NRCAM: variants seen among roughly 807,000 people sequenced by gnomAD.
NRCAM encodes the protein NgCAM-related cell adhesion molecule.
Under a neutral mutation model 156.5 loss-of-function variants are expected in NRCAM, and 83 were observed. The ratio of observed to expected loss-of-function variants is 0.53; its 90% CI spans 0.44 to 0.64. The LOEUF is 0.64. NRCAM is among the 30% of genes least tolerant of loss of function. The pLI is 0.00. For missense variants in NRCAM, 1,417 were observed against 1,597.3 expected, an observed-to-expected ratio of 0.89 and a Z score of 1.92; for synonymous variants, 538 against 563.9, an observed-to-expected ratio of 0.95 and a Z score of 0.65.
At chr7:108,439,832 C>CAAAA (rs34432715) in intron 1 of NRCAM, among the ~76,000 whole-genome samples, 353 of 69,588 alleles carry the variant, frequency 5.1e-3, no homozygotes, top group Non-Finnish European at 6.8e-3. Flanking sequence ...GACTCCGTCA[C>CAAAA]AAAAAAAAAA....
chr7:108,148,526 A>G lies in NRCAM; in HGVS notation c.*1384T>C, dbSNP rs1412208359. 1 of 152,698 alleles carries G rather than the reference A, an allele frequency of 6.5e-6. No individual in the cohort carries two copies. Among genetic ancestry groups the G allele is most frequent in the Non-Finnish European group, 1.5e-5 (1 of 68,052 alleles). The allele number at this position is 152,698 out of a possible 1,614,324, so 9.5% of individuals were successfully genotyped here. Reference sequence around the variant, plus strand: ...TTTGGAGGTAACCCATTTGATAGATATTGTTTATGAATACGATAGAATATA... The same window carrying G: ...TTTGGAGGTAACCCATTTGATAGATGTTGTTTATGAATACGATAGAATATA... On this transcript the variant is annotated 3_prime_UTR_variant, in exon 33 of 33. Coordinates refer to ENST00000379028, the MANE Select transcript of NRCAM (RefSeq NM_001037132.4).
At chr7:108,203,802 C>T (rs914136232) in intron 13 of NRCAM, among the ~76,000 whole-genome samples, 7 of 152,306 alleles carry the variant, frequency 4.6e-5, no homozygotes, top group African/African-American at 1.2e-4. Flanking sequence ...GTGCCTCACC[C>T]GCAGCAGCTG....
intron 3 of NRCAM, among the ~76,000 whole-genome samples, chr7:108,244,264 C>T (rs2095752968): frequency 6.6e-6 from 1 of 151,984 alleles, no homozygotes; most frequent in South Asian, 2.1e-4. Context: ...CTACACTCTC[C>T]AAGCAGATAA....
Position 108,386,181 on chromosome 7 carries a change from G to C in NRCAM, c.-174+13255C>G, listed in dbSNP as rs2099740422. Among the ~76,000 whole-genome samples, 3 of 152,264 alleles carry C rather than the reference G, an allele frequency of 2.0e-5. No individual in the cohort carries two copies. The South Asian group carries it at 6.2e-4, about 32-fold the overall frequency. Reference sequence around the variant, plus strand: ...ATCTGATGGCTCCAATAGCTCCAGAGCCAGGCATTTTGGCTTCTAGTCCAG... The same window carrying C: ...ATCTGATGGCTCCAATAGCTCCAGACCCAGGCATTTTGGCTTCTAGTCCAG... On this transcript the variant is annotated intron_variant, in intron 2 of 32. Transcript: ENST00000379028.
chr7:108,283,524 T>G (rs536711790), intron 3 of NRCAM, among the ~76,000 whole-genome samples: 3 of 152,256 alleles, frequency 2.0e-5, no homozygotes, highest in African/African-American at 7.2e-5. Flanking sequence ...GGGGCACACG[T>G]GGGAAACAGA....
chr7:108,342,704 G>A (rs1460548572), intron 2 of NRCAM, among the ~76,000 whole-genome samples: 1 of 152,236 alleles, frequency 6.6e-6, no homozygotes, highest in Non-Finnish European at 1.5e-5. Context: ...GCATACCTGA[G>A]TAAGGAAACT....
intron 3 of NRCAM, among the ~76,000 whole-genome samples, chr7:108,260,335 C>T (rs2096845172): frequency 6.6e-6 from 1 of 151,924 alleles, no homozygotes; most frequent in South Asian, 2.1e-4. Flanking sequence ...AGTGCCTGGC[C>T]CACAGTAAAC....
At chr7:108,177,651 ATATATATATG>A (rs1291621935) in intron 26 of NRCAM, among the ~76,000 whole-genome samples, 2 of 17,434 alleles carry the variant, frequency 1.1e-4, no homozygotes, top group African/African-American at 1.9e-4. Flanking sequence ...ATATATATAT[ATATATATATG>A]TATATACGTG....
chr7:108,319,844 A>C (rs2098979353), intron 2 of NRCAM, among the ~76,000 whole-genome samples: 1 of 152,246 alleles, frequency 6.6e-6, no homozygotes, highest in Non-Finnish European at 1.5e-5. Context: ...TGAGGCTGAC[A>C]AAGCAGACAG....
chr7:108,257,070 A>C (rs2096708773), intron 3 of NRCAM, among the ~76,000 whole-genome samples: 1 of 151,180 alleles, frequency 6.6e-6, no homozygotes, highest in East Asian at 1.9e-4. Context: ...GAGGGAAAGA[A>C]GAAAGAAGGA....
At chr7:108,398,633 T>C (rs111990555) in intron 2 of NRCAM, among the ~76,000 whole-genome samples, 1 of 152,320 alleles carries the variant, frequency 6.6e-6, no homozygotes, top group African/African-American at 2.4e-5. Context: ...CCCTGCTCTT[T>C]ACCTAACTCC....
At chr7:108,198,953 T>C (rs1409319948) in intron 13 of NRCAM, among the ~76,000 whole-genome samples, 2 of 152,196 alleles carry the variant, frequency 1.3e-5, no homozygotes, top group African/African-American at 4.8e-5. Flanking sequence ...AATTTGGAAC[T>C]TCTGTGAGAT....
In NRCAM at chr7:108,264,730, ACT is replaced by A. The variant is rs577340928; in HGVS notation, c.-106-24562_-106-24561del. On this transcript the variant is annotated intron_variant, in intron 3 of 32. Transcript: ENST00000379028. The stretch of plus-strand genomic sequence containing the variant: ...CTGTTCCTGTAACAAACACCTAATA[ACT>A]CTCTTTCCCTGGGTTGTCTTCTCCT... Among the ~76,000 whole-genome samples, 71 of 151,980 alleles carry A rather than the reference ACT, an allele frequency of 4.7e-4. 1 individual carries two copies. In the South Asian group the frequency reaches 0.014, roughly 30 times the overall value.
intron 3 of NRCAM, among the ~76,000 whole-genome samples, chr7:108,254,478 T>C (rs2096530600): frequency 6.6e-6 from 1 of 151,896 alleles, no homozygotes; most frequent in Non-Finnish European, 1.5e-5. Flanking sequence ...GGTGAGGCTG[T>C]GGAGAACCTG....
intron 3 of NRCAM, among the ~76,000 whole-genome samples, chr7:108,244,352 T>C (rs946332100): frequency 2.6e-5 from 4 of 152,158 alleles, no homozygotes; most frequent in Admixed American, 2.6e-4. Flanking sequence ...CTCGCCTCAG[T>C]GACTGGATAA....
intron 24 of NRCAM, among the ~76,000 whole-genome samples, chr7:108,180,916 A>C (rs2063092481): frequency 6.6e-6 from 1 of 152,198 alleles, no homozygotes; most frequent in Admixed American, 6.5e-5. Flanking sequence ...GTGGGCTACT[A>C]AGTGACTTTC....
intron 8 of NRCAM, 152 bp from the exon 9 acceptor site, chr7:108,226,530 TAAAA>T (rs3078782): frequency 0.24 from 93,692 of 392,984 alleles, 6,610 homozygotes; most frequent in African/African-American, 0.31. Flanking sequence ...CAAATAACTG[TAAAA>T]AAAAAAAAAA....
At chr7:108,153,352 T>C (rs574393130) in intron 32 of NRCAM, among the ~76,000 whole-genome samples, 1 of 152,208 alleles carries the variant, frequency 6.6e-6, no homozygotes, top group South Asian at 2.1e-4. Context: ...AATATGATAA[T>C]CTCAGTAAAT....
intron 3 of NRCAM, among the ~76,000 whole-genome samples, chr7:108,292,337 C>T (rs759548): frequency 0.88 from 133,686 of 152,180 alleles, 58,923 homozygotes; most frequent in East Asian, 1. Context: ...TTTTATGTAG[C>T]ACATTTCTTT....
Sources: allele counts gnomAD v4.1 joint callset (sites outside exome capture counted in the v4.1 genomes callset), GRCh38; gene constraint gnomAD v4.1.1; transcripts MANE v1.5; gene names NCBI Gene and HGNC (gene_info 2026-07-23, HGNC 2026-07-21).